Variants in ATP2A1 observed in about 807,000 individuals in gnomAD.
ATP2A1 encodes the protein sarcoplasmic/endoplasmic reticulum calcium ATPase 1.
In ATP2A1, 83 loss-of-function variants were observed where a neutral mutation model predicts 109.5. The ratio of observed to expected loss-of-function variants is 0.76; its 90% CI spans 0.63 to 0.91. The LOEUF (loss-of-function observed/expected upper bound fraction) is 0.91. Ranked by LOEUF, ATP2A1 falls within the 40% of genes least tolerant of loss-of-function variation. The pLI is 0.00. For synonymous variants in ATP2A1, 505 were observed against 537.6 expected (o/e 0.94, Z 0.84); for missense variants, 1,101 against 1,341.0 (o/e 0.82, Z 2.80).
Position 28,887,172 on chromosome 16 carries a change from T to G in ATP2A1, c.545-17T>G, listed in dbSNP as rs758923662. On this transcript the variant is annotated splice_polypyrimidine_tract_variant and intron_variant, in intron 6 of 22. Transcript: ENST00000395503. ...GACATGATGTCATCCGAAAACCCCT[T>G]GGCCCCTTCTCCACAGGCGAGTCTG... is the stretch of plus-strand genomic sequence containing the variant. 1.5e-5 allele frequency: 24 copies of G among 1,613,010 alleles called. No individual in the cohort carries two copies.
chr16:28,902,883 A>C lies in ATP2A1; in HGVS notation c.2716A>C (p.Thr906Pro), dbSNP rs775337313. Residue 906 changes from threonine (T) to proline (P), a missense_variant, in exon 19 of 23, where the codon ACC (threonine) becomes CCC (proline). Coordinates refer to ENST00000395503, the MANE Select transcript of ATP2A1 (RefSeq NM_004320.6). The surrounding 1 kb of genome is among the most constrained non-coding windows in gnomAD (Gnocchi z 4.8). ...GACCATGGCCCTGTCCGTGCTGGTG[A>C]CCATCGAGATGTGCAATGCACTGAA... ...PMTMALSVLVTIEMCNALNSL... is the reference protein window; with the variant it reads ...PMTMALSVLVPIEMCNALNSL... 6.2e-7 allele frequency: 1 copy of C among 1,613,826 alleles called. No individual in the cohort carries two copies. Among genetic ancestry groups the C allele is most frequent in the Non-Finnish European group, 8.5e-7 (1 of 1,179,936 alleles).
At chr16:28,884,888 C>T (rs1160216597) in intron 6 of ATP2A1, among the ~76,000 whole-genome samples, 1 of 152,182 alleles carries the variant, frequency 6.6e-6, no homozygotes, top group Non-Finnish European at 1.5e-5. Context: ...GTCAAGGCAG[C>T]AGTGAGCTGT....
chr16:28,882,071 G>C (rs537735791), intron 4 of ATP2A1, among the ~76,000 whole-genome samples: 1 of 149,312 alleles, frequency 6.7e-6, no homozygotes, highest in African/African-American at 2.5e-5. Context: ...CAAGTAGCTG[G>C]GATTACAGGC....
At position 28,902,387 on chromosome 16, in the gene ATP2A1, G is replaced by A. The variant is rs1964105013; in HGVS notation, c.2524+1G>A. On this transcript the variant is annotated splice_donor_variant, in intron 17 of 22. Coordinates refer to ENST00000395503, the MANE Select transcript of ATP2A1 (RefSeq NM_004320.6). LOFTEE classifies it high-confidence loss of function. This position sits in a 1 kb window ranked among gnomAD's most constrained non-coding sequence, Gnocchi z 4.8. ...TTCTTCCGCTACATGGCAATCGGGG[G>A]TGAGCTGGAGGGGTTCCTCGATCCT... 1.9e-6 allele frequency: 3 copies of A among 1,613,720 alleles called. No homozygotes were observed. The African/African-American group carries it at 4.0e-5, about 22-fold the overall frequency.
chr16:28,879,725 G>A (rs1052963042), intron 3 of ATP2A1, 142 bp downstream of exon 3: 2 of 1,026,782 alleles, frequency 1.9e-6, no homozygotes, highest in Non-Finnish European at 2.9e-6. Context: ...GCGCAGCAGC[G>A]GGTGTGATTC....
rs1025589728 is a variant in ATP2A1, at chr16:28,887,095, G to T, written c.545-94G>T. ...AGGATGGCTACTTGGTCCTTACCAG[G>T]AGCTGTCCTGCTGAGCAGGGAGAGA... On this transcript the variant is annotated intron_variant, in intron 6 of 22. Transcript: ENST00000395503. The T allele has an allele frequency of 6.0e-6, 8 of 1,328,846 alleles. No homozygotes were observed. The Admixed American group carries it at 1.2e-4, about 20-fold the overall frequency. 82.3% of individuals were successfully genotyped at this position (1,328,846 alleles called of 1,614,324 possible). A position where few individuals can be genotyped will look rare whatever the true frequency, so the allele number is the denominator to read the frequency against.
rs1477381138 is a variant in ATP2A1 at position 28,884,642 on chromosome 16, G to C, written c.531G>C (p.Gln177His). 1.9e-6 allele frequency: 3 copies of C among 1,613,574 alleles called. No homozygotes were observed. Among genetic ancestry groups the C allele is most frequent in the Admixed American group, 1.7e-5 (1 of 60,002 alleles). ...AIKSTTLRVD[Q>H]SILTGESVSV... ...AATCCACCACGCTGCGGGTTGACCAGTCCATCCTGACAGGTCTGCTGGCCT... is the reference window on the plus strand; with the variant it reads ...AATCCACCACGCTGCGGGTTGACCACTCCATCCTGACAGGTCTGCTGGCCT... Residue 177 changes from glutamine to histidine, a missense_variant, in exon 6 of 23, where the codon CAG (glutamine) becomes CAC (histidine). Coordinates refer to ENST00000395503, the MANE Select transcript of ATP2A1 (RefSeq NM_004320.6).
chr16:28,891,977 G>T (rs1471437113), intron 9 of ATP2A1, among the ~76,000 whole-genome samples: 1 of 152,126 alleles, frequency 6.6e-6, no homozygotes, highest in Non-Finnish European at 1.5e-5. Context: ...GTGAAATACA[G>T]TTCTATCAAA....
Position 28,880,367 on chromosome 16 carries a change from C to T in ATP2A1, c.220-548C>T, listed in dbSNP as rs1195471507. 6.6e-6 allele frequency among the ~76,000 whole-genome samples: 1 copy of T among 152,246 alleles called. No homozygotes were observed. The highest frequency in any genetic ancestry group is 1.5e-5 in the Non-Finnish European group (1 of 68,042). Reference sequence around the variant, plus strand: ...TCGCGTTAAGCACAAGCTGGCAGGGCCTCTCCTCTCCCTTCTCAGATTTGC... The same window carrying T: ...TCGCGTTAAGCACAAGCTGGCAGGGTCTCTCCTCTCCCTTCTCAGATTTGC... On this transcript the variant is annotated intron_variant, in intron 3 of 22. Coordinates refer to ENST00000395503, the MANE Select transcript of ATP2A1 (RefSeq NM_004320.6). This position sits in a 1 kb window ranked among gnomAD's most constrained non-coding sequence, Gnocchi z 4.2.
In ATP2A1 at chr16:28,903,218, C is replaced by A; in HGVS notation, c.2862+71C>A. The A allele has an allele frequency of 6.3e-7, 1 of 1,589,774 alleles. No homozygotes were observed. Among genetic ancestry groups the A allele is most frequent in the Admixed American group, 1.7e-5 (1 of 59,982 alleles). ...CCCACGGCGGGCCCATGACCACTCC[C>A]ACCAGGGGCGCCGATGTGGGAGGCT... On this transcript the variant is annotated intron_variant, in intron 20 of 22. Coordinates refer to ENST00000395503, the MANE Select transcript of ATP2A1 (RefSeq NM_004320.6). This position sits in a 1 kb window ranked among gnomAD's most constrained non-coding sequence, Gnocchi z 5.6.
rs1314792024 is a variant in ATP2A1 at position 28,902,373 on chromosome 16, C to T, written c.2511C>T (p.Tyr837=). 6.2e-7 allele frequency: 1 copy of T among 1,614,062 alleles called. No homozygotes were observed. The highest frequency in any genetic ancestry group is 8.5e-7 in the Non-Finnish European group (1 of 1,179,976). Residue 837 remains tyrosine (Y), a synonymous_variant, in exon 17 of 23, where the codon TAC becomes TAT. Transcript: ENST00000395503. The surrounding 1 kb of genome is among the most constrained non-coding windows in gnomAD (Gnocchi z 4.8). ...TCAGTGGCTGGCTCTTCTTCCGCTACATGGCAATCGGGGGTGAGCTGGAGG... is the reference window on the plus strand; with the variant it reads ...TCAGTGGCTGGCTCTTCTTCCGCTATATGGCAATCGGGGGTGAGCTGGAGG... The part of the protein sequence containing the change: ...PLISGWLFFR[Y]MAIGGYVGAA...
intron 9 of ATP2A1, among the ~76,000 whole-genome samples, chr16:28,889,728 G>A (rs1012424367): frequency 1.3e-5 from 2 of 152,310 alleles, no homozygotes; most frequent in South Asian, 2.1e-4. Context: ...GACAGGGCCC[G>A]GCCAGACTGC....
Position 28,883,496 on chromosome 16 carries a change from C to T in ATP2A1, c.463+907C>T, listed in dbSNP as rs982338916. The stretch of plus-strand genomic sequence containing the variant: ...CCCTCCTCCCTCCTCGGTCCATTTC[C>T]TCTGGCACAGGAGGGATCCTTAGAA... On this transcript the variant is annotated intron_variant, in intron 5 of 22. Transcript: ENST00000395503. The surrounding 1 kb of genome is among the most constrained non-coding windows in gnomAD (Gnocchi z 5.2). Among the ~76,000 whole-genome samples, 1 of 152,186 alleles carries T rather than the reference C, an allele frequency of 6.6e-6. No homozygotes were observed. The highest frequency in any genetic ancestry group is 2.4e-5 in the African/African-American group (1 of 41,458).
intron 12 of ATP2A1, among the ~76,000 whole-genome samples, chr16:28,896,644 C>T (rs1413103329): frequency 1.3e-5 from 2 of 151,554 alleles, no homozygotes; most frequent in African/African-American, 4.9e-5. Flanking sequence ...AACTCTTGAC[C>T]TCGTGATCTG....
intron 12 of ATP2A1, 69 bp downstream of exon 12, chr16:28,895,022 G>A (rs1406871061): frequency 6.3e-7 from 1 of 1,597,586 alleles, no homozygotes; most frequent in Non-Finnish European, 8.5e-7. Context: ...GGAAGGCAGA[G>A]GCCCTGGTTG....
At position 28,879,067 on chromosome 16, in the gene ATP2A1, GA is replaced by G. The variant is rs751153897; in HGVS notation, c.119-30del. The G allele has an allele frequency of 4.3e-6, 7 of 1,614,052 alleles. No homozygotes were observed. In the Admixed American group the frequency reaches 1.2e-4, roughly 27 times the overall value. ...GGGGGCATGAGGCTGAACCCCAAAT[GA>G]ATCTGTCCTTTTCTTCTTTTTCCTG... is the stretch of plus-strand genomic sequence containing the variant. On this transcript the variant is annotated intron_variant, in intron 1 of 22. Coordinates refer to ENST00000395503, the MANE Select transcript of ATP2A1 (RefSeq NM_004320.6).
At chr16:28,893,406 AAAAAAC>A (rs1963829784) in intron 9 of ATP2A1, among the ~76,000 whole-genome samples, 1 of 78,828 alleles carries the variant, frequency 1.3e-5, no homozygotes, top group African/African-American at 5.5e-5. Context: ...AACCTATCTT[AAAAAAC>A]AAAAAGAAAA....
At chr16:28,888,017 G>A (rs924918010) in intron 8 of ATP2A1, among the ~76,000 whole-genome samples, 10 of 151,898 alleles carry the variant, frequency 6.6e-5, no homozygotes, top group South Asian at 4.1e-4. Flanking sequence ...TAGCCAGGAT[G>A]GTCTCGATCT....
At chr16:28,881,323 G>C (rs1020662855) in intron 4 of ATP2A1, among the ~76,000 whole-genome samples, 1 of 152,218 alleles carries the variant, frequency 6.6e-6, no homozygotes, top group African/African-American at 2.4e-5. Flanking sequence ...CTGGCACACA[G>C]TAGGAATTCA....
Sources: gnomAD v4.1 joint callset for allele counts (sites outside exome capture counted in the v4.1 genomes callset) on GRCh38, gnomAD v4.1.1 for gene constraint, Gnocchi (gnomAD v3.1) non-coding constraint, MANE v1.5 for transcripts, NCBI Gene and HGNC (gene_info 2026-07-23, HGNC 2026-07-21) for gene names.